Variants in ZFP1 observed in about 807,000 individuals in gnomAD.
The protein encoded by ZFP1 is ZFP1 zinc finger protein.
A neutral mutation model predicts 38.5 loss-of-function variants in ZFP1; 32 were observed. That is an observed-to-expected ratio of 0.83 (90% CI 0.63 to 1.12). ZFP1 has a LOEUF of 1.12. ZFP1 is among the 50% of genes most tolerant of loss of function. The pLI is 0.00. For synonymous variants in ZFP1, 245 were observed against 168.8 expected (o/e 1.45, Z -3.50); for missense variants, 616 against 480.8 (o/e 1.28, Z -2.63).
chr16:75,133,033 A>G, the ZFP1 span, among the ~76,000 whole-genome samples: 1 of 150,314 alleles, frequency 6.7e-6, no homozygotes, highest in East Asian at 2.0e-4. Context: ...GCTGGAGTGC[A>G]GTGGTGCGAT....
the ZFP1 span, among the ~76,000 whole-genome samples, chr16:75,136,107 C>T: frequency 1.3e-5 from 2 of 152,208 alleles, no homozygotes; most frequent in African/African-American, 2.4e-5. Context: ...TGAGCCACCA[C>T]GCCCAGCTAA....
the ZFP1 span, among the ~76,000 whole-genome samples, chr16:75,137,629 A>G: frequency 4.0e-5 from 6 of 151,416 alleles, no homozygotes; most frequent in African/African-American, 1.2e-4. Context: ...ACGCCCGGCT[A>G]ATTTTTTTTT....
intron 2 of ZFP1, among the ~76,000 whole-genome samples, chr16:75,155,117 T>G (rs1567526381): frequency 6.6e-6 from 1 of 152,172 alleles, no homozygotes; most frequent in Non-Finnish European, 1.5e-5. Context: ...TTTCAATCTC[T>G]TAATTATGTG....
chr16:75,148,885 T>G (rs1295818528), intron 1 of ZFP1: 1 of 152,148 alleles, frequency 6.6e-6, no homozygotes, highest in East Asian at 1.9e-4. Flanking sequence ...AGGCTTCGCC[T>G]TCTTCTCTTT....
At chr16:75,119,893 C>T in the ZFP1 span, among the ~76,000 whole-genome samples, 1 of 151,058 alleles carries the variant, frequency 6.6e-6, no homozygotes, top group South Asian at 2.1e-4. Context: ...GGGTGAAAAA[C>T]AGCCAGCAAA....
chr16:75,137,758 G>T, the ZFP1 span, among the ~76,000 whole-genome samples: 1 of 151,920 alleles, frequency 6.6e-6, no homozygotes, highest in Non-Finnish European at 1.5e-5. Context: ...GAGCCAACAC[G>T]CCCGGCCCCA....
chr16:75,126,435 G>C, the ZFP1 span: 1 of 150,754 alleles, frequency 6.6e-6, no homozygotes, highest in Non-Finnish European at 1.5e-5. Flanking sequence ...ACAGAGTCTT[G>C]TTCTGTCACC....
the ZFP1 span, among the ~76,000 whole-genome samples, chr16:75,136,291 G>T: frequency 1.3e-5 from 2 of 152,208 alleles, no homozygotes; most frequent in Non-Finnish European, 2.9e-5. Flanking sequence ...ATTTGTAAAA[G>T]TAAAGGCAAA....
intron 2 of ZFP1, among the ~76,000 whole-genome samples, chr16:75,165,279 A>C (rs2038009070): frequency 1.3e-5 from 2 of 152,196 alleles, no homozygotes; most frequent in South Asian, 4.1e-4. Context: ...AAGTTTGTCA[A>C]CCAACTCATT....
chr16:75,120,506 GT>G, the ZFP1 span, among the ~76,000 whole-genome samples: 4 of 147,266 alleles, frequency 2.7e-5, no homozygotes, highest in African/African-American at 7.6e-5. Flanking sequence ...CCTGTTTGTG[GT>G]TTTTTTTTGG....
chr16:75,128,363 G>A, the ZFP1 span, among the ~76,000 whole-genome samples: 1 of 152,184 alleles, frequency 6.6e-6, no homozygotes, highest in Admixed American at 6.6e-5. Context: ...ATCAAAACCA[G>A]TTTAAAAGCC....
At chr16:75,159,470 C>T (rs1256066198) in intron 2 of ZFP1, among the ~76,000 whole-genome samples, 3 of 145,976 alleles carry the variant, frequency 2.1e-5, no homozygotes, top group Admixed American at 6.9e-5. Flanking sequence ...ACAGTGACAA[C>T]GCTCACAGTT....
At position 75,169,877 on chromosome 16, in the gene ZFP1, T is replaced by C. The variant is rs1245993703; in HGVS notation, c.767T>C (p.Ile256Thr). The change falls in exon 4 of 4, where the codon ATT (isoleucine) becomes ACT (threonine). Residue 256 changes from isoleucine (I) to threonine (T), a missense_variant. Coordinates refer to ENST00000570010, the MANE Select transcript of ZFP1 (RefSeq NM_153688.4). ...GKAFTHQSNL[I>T]VHQRAHMEKK... is the part of the protein sequence containing the mutation. ...GCTTTCACCCACCAGTCAAACCTCA[T>C]TGTACACCAGAGAGCACATATGGAG... is the stretch of plus-strand genomic sequence containing the variant. 6 of 1,614,024 alleles carry C rather than the reference T, an allele frequency of 3.7e-6. No homozygotes were observed. In the African/African-American group the frequency reaches 4.0e-5, roughly 11 times the overall value.
the ZFP1 span, among the ~76,000 whole-genome samples, chr16:75,133,014 G>T: frequency 6.6e-6 from 1 of 150,382 alleles, no homozygotes; most frequent in Non-Finnish European, 1.5e-5. Flanking sequence ...GTCTTGCCCT[G>T]TCACCCAGGC....
At chr16:75,168,932 C>T (rs1206252512) in intron 3 of ZFP1, among the ~76,000 whole-genome samples, 5 of 152,292 alleles carry the variant, frequency 3.3e-5, no homozygotes, top group Non-Finnish European at 2.9e-5. Flanking sequence ...ATCTCCCTCC[C>T]TGGCATTGCC....
the ZFP1 span, among the ~76,000 whole-genome samples, chr16:75,123,382 G>A: frequency 0.15 from 20,176 of 137,440 alleles, 2,541 homozygotes; most frequent in African/African-American, 0.35. Flanking sequence ...ATATATATAT[G>A]TGTATATATA....
upstream of ZFP1, chr16:75,148,342 T>C (rs1349180332): frequency 6.6e-6 from 1 of 152,194 alleles, no homozygotes; most frequent in Non-Finnish European, 1.5e-5. Flanking sequence ...GAGATTATTT[T>C]GGTCGGCTCA....
At chr16:75,150,474 C>G (rs572170826) in intron 1 of ZFP1, among the ~76,000 whole-genome samples, 1 of 151,980 alleles carries the variant, frequency 6.6e-6, no homozygotes, top group African/African-American at 2.4e-5. Context: ...CTGCCTCGGC[C>G]TTGCAAAGTG....
intron 1 of ZFP1, among the ~76,000 whole-genome samples, chr16:75,152,522 T>G (rs2037257934): frequency 6.6e-6 from 1 of 152,236 alleles, no homozygotes; most frequent in Non-Finnish European, 1.5e-5. Context: ...TCCATTTGAT[T>G]TTTTCTTGCA....
Sources: allele counts gnomAD v4.1 joint callset (sites outside exome capture counted in the v4.1 genomes callset), GRCh38; gene constraint gnomAD v4.1.1; transcripts MANE v1.5; gene names NCBI Gene and HGNC (gene_info 2026-07-23, HGNC 2026-07-21).